Variants in WWOX observed in about 807,000 individuals in gnomAD.
The protein encoded by WWOX is WW domain-containing oxidoreductase.
Under a neutral mutation model 46.2 loss-of-function variants are expected in WWOX, and 69 were observed. The ratio of observed to expected loss-of-function variants is 1.49; its 90% CI spans 1.23 to 1.82. WWOX has a LOEUF of 1.82. WWOX is among the 40% of genes most tolerant of loss of function. WWOX has a pLI of 0.00. For missense variants in WWOX, 919 were observed against 542.6 expected (o/e 1.69, Z -6.89); for synonymous variants, 359 against 202.6 (o/e 1.77, Z -6.56).
intron 8 of WWOX, among the ~76,000 whole-genome samples, chr16:78,975,326 C>T (rs933703103): frequency 3.5e-4 from 53 of 152,220 alleles, no homozygotes; most frequent in African/African-American, 1.2e-3. Context: ...CTCCTGATTT[C>T]TGGGGGTAGA....
intron 5 of WWOX, among the ~76,000 whole-genome samples, chr16:78,282,247 C>G (rs922450564): frequency 6.6e-6 from 1 of 152,178 alleles, no homozygotes; most frequent in Non-Finnish European, 1.5e-5. Flanking sequence ...ACATTCTGGA[C>G]ACACAAATCT....
At chr16:78,775,851 C>A (rs1009905430) in intron 8 of WWOX, among the ~76,000 whole-genome samples, 6 of 152,124 alleles carry the variant, frequency 3.9e-5, no homozygotes, top group African/African-American at 1.4e-4. Flanking sequence ...CCGTTTTAAC[C>A]CTGTCTTATT....
intron 8 of WWOX, chr16:78,896,094 A>G (rs1419525955): frequency 3.9e-5 from 6 of 152,204 alleles, no homozygotes; most frequent in Non-Finnish European, 7.3e-5. Flanking sequence ...CATGCAGGCA[A>G]TTGATCTTTA....
At chr16:78,802,762 A>G (rs921766977) in intron 8 of WWOX, among the ~76,000 whole-genome samples, 1 of 151,536 alleles carries the variant, frequency 6.6e-6, no homozygotes, top group African/African-American at 2.4e-5. Context: ...CTAAAAATAG[A>G]GAAGTTAGCC....
At chr16:78,692,065 A>G (rs993633062) in intron 8 of WWOX, among the ~76,000 whole-genome samples, 1 of 152,160 alleles carries the variant, frequency 6.6e-6, no homozygotes, top group African/African-American at 2.4e-5. Flanking sequence ...AGGCCTCCCC[A>G]GCCATGTGGA....
At chr16:78,153,111 C>T (rs2034474005) in intron 4 of WWOX, among the ~76,000 whole-genome samples, 1 of 152,140 alleles carries the variant, frequency 6.6e-6, no homozygotes, top group Non-Finnish European at 1.5e-5. Flanking sequence ...CGATCTCTAA[C>T]TCTTTGGAAC....
chr16:78,193,197 C>A (rs1403048358), intron 5 of WWOX, among the ~76,000 whole-genome samples: 1 of 152,198 alleles, frequency 6.6e-6, no homozygotes, highest in Non-Finnish European at 1.5e-5. Context: ...GACCAACAGC[C>A]AAGACCAATG....
intron 8 of WWOX, among the ~76,000 whole-genome samples, chr16:78,946,310 C>T (rs1240781873): frequency 1.3e-5 from 2 of 152,250 alleles, no homozygotes; most frequent in Admixed American, 6.5e-5. Flanking sequence ...CTGTCTCAGT[C>T]TCCCAAGTAG....
intron 4 of WWOX, among the ~76,000 whole-genome samples, chr16:78,127,539 C>T (rs562275082): frequency 7.3e-6 from 1 of 136,720 alleles, no homozygotes; most frequent in Non-Finnish European, 1.6e-5. Context: ...ACCACCGAGA[C>T]GAGGTTATTT....
At chr16:78,892,068 T>C (rs2044602412) in intron 8 of WWOX, 1 of 152,202 alleles carries the variant, frequency 6.6e-6, no homozygotes, top group African/African-American at 2.4e-5. Context: ...TGGGTTTTTT[T>C]CCTTGCTTAG....
chr16:78,354,298 G>A (rs1048778034), intron 5 of WWOX, among the ~76,000 whole-genome samples: 1 of 137,162 alleles, frequency 7.3e-6, no homozygotes, highest in African/African-American at 2.7e-5. Context: ...GACAGTGTCT[G>A]CTGATGTGCT....
At chr16:79,124,297 A>G (rs1052070174) in intron 8 of WWOX, among the ~76,000 whole-genome samples, 3 of 152,142 alleles carry the variant, frequency 2.0e-5, no homozygotes, top group African/African-American at 4.8e-5. Flanking sequence ...CCGCGCTTGC[A>G]TGGAAATGCA....
chr16:78,300,005 A>G (rs1227890416), intron 5 of WWOX, among the ~76,000 whole-genome samples: 1 of 152,200 alleles, frequency 6.6e-6, no homozygotes, highest in Non-Finnish European at 1.5e-5. Context: ...CATCTGTAAC[A>G]GCTGCCTACA....
chr16:79,087,932 G>A lies in WWOX; in HGVS notation c.1057-123676G>A, dbSNP rs558763192. Reference sequence around the variant, plus strand: ...CAAGGAGGCCTAGGGACCCTTGGCAGGAGGCATTCATGGGTCTGTAGTCCA... The same window carrying A: ...CAAGGAGGCCTAGGGACCCTTGGCAAGAGGCATTCATGGGTCTGTAGTCCA... On this transcript the variant is annotated intron_variant, in intron 8 of 8. Transcript: ENST00000566780. 5.3e-5 allele frequency among the ~76,000 whole-genome samples: 8 copies of A among 152,276 alleles called. No homozygotes were observed. In the South Asian group the frequency reaches 1.5e-3, roughly 28 times the overall value.
chr16:78,475,592 T>G (rs1384170558), intron 8 of WWOX, among the ~76,000 whole-genome samples: 2 of 152,160 alleles, frequency 1.3e-5, no homozygotes, highest in East Asian at 3.8e-4. Context: ...TTTTTTAGTT[T>G]ATATTTTTAT....
intron 5 of WWOX, among the ~76,000 whole-genome samples, chr16:78,247,685 G>A (rs1312770737): frequency 6.6e-6 from 1 of 152,198 alleles, no homozygotes; most frequent in African/African-American, 2.4e-5. Flanking sequence ...TGGCCTTGGG[G>A]CAGGTCAGTC....
At chr16:78,498,151 G>C (rs898815649) in intron 8 of WWOX, among the ~76,000 whole-genome samples, 9 of 145,352 alleles carry the variant, frequency 6.2e-5, no homozygotes, top group African/African-American at 1.0e-4. Flanking sequence ...CTTGCAGTGA[G>C]CCGAGATTGT....
At chr16:78,293,978 GAAAAAAAAAA>G (rs35079271) in intron 5 of WWOX, among the ~76,000 whole-genome samples, 75 of 30,324 alleles carry the variant, frequency 2.5e-3, no homozygotes, top group East Asian at 0.017. Flanking sequence ...CTCTGTCTCA[GAAAAAAAAAA>G]AAAAAAAAAA....
chr16:78,543,111 G>C (rs938420071), intron 8 of WWOX, among the ~76,000 whole-genome samples: 3 of 152,246 alleles, frequency 2.0e-5, no homozygotes, highest in African/African-American at 7.2e-5. Flanking sequence ...TCCAGTGTGG[G>C]CTGGCATGTT....
Sources: gnomAD v4.1 joint callset for allele counts (sites outside exome capture counted in the v4.1 genomes callset) on GRCh38, gnomAD v4.1.1 for gene constraint, MANE v1.5 for transcripts, NCBI Gene and HGNC (gene_info 2026-07-23, HGNC 2026-07-21) for gene names.